PTPRD: variants seen among roughly 807,000 people sequenced by gnomAD.
PTPRD encodes receptor-type tyrosine-protein phosphatase delta.
A neutral mutation model predicts 214.5 loss-of-function variants in PTPRD; 34 were observed. That is an observed-to-expected ratio of 0.16 (90% CI 0.12 to 0.21). The LOEUF (loss-of-function observed/expected upper bound fraction) is 0.21, where lower values mean the gene tolerates loss of function less well. Among genes scored for constraint, PTPRD ranks in the 10% least tolerant of loss-of-function variants. The pLI, the probability that PTPRD is intolerant of heterozygous loss-of-function variation, is 1.00. For missense variants in PTPRD, 2,545 were observed against 2,398.7 expected (o/e 1.06, Z -1.27); for synonymous variants, 1,128 against 845.7 (o/e 1.33, Z -5.79).
intron 9 of PTPRD, among the ~76,000 whole-genome samples, chr9:9,353,590 G>C (rs1217336165): frequency 6.6e-6 from 1 of 151,062 alleles, no homozygotes; most frequent in Non-Finnish European, 1.5e-5. Flanking sequence ...ATAGGACCTT[G>C]TCTTACGTAT....
At chr9:8,826,398 C>T (rs966660887) in intron 11 of PTPRD, among the ~76,000 whole-genome samples, 1 of 152,188 alleles carries the variant, frequency 6.6e-6, no homozygotes, top group African/African-American at 2.4e-5. Flanking sequence ...ATTACCAAAG[C>T]CCTGAGCCAT....
rs1289387947 is a variant in PTPRD at position 8,903,761 on chromosome 9, TGGGAAA to T, written c.-104+114930_-104+114935del. Among the ~76,000 whole-genome samples the T allele has an allele frequency of 8.2e-3, 1,236 of 150,968 alleles. 21 individuals are homozygous for T. The highest frequency in any genetic ancestry group is 0.028 in the African/African-American group (1,146 of 40,314). The stretch of plus-strand genomic sequence containing the variant: ...CTGATTCTCTACCTTTAAAAAATTA[TGGGAAA>T]TTTGATTACTATTTAAAAGACTACT... On this transcript the variant is annotated intron_variant, in intron 11 of 45. Coordinates refer to ENST00000381196, the MANE Select transcript of PTPRD (RefSeq NM_002839.4).
At position 10,403,212 on chromosome 9, in the gene PTPRD, T is replaced by TTG. The variant is rs1475181851; in HGVS notation, c.-599-62197_-599-62196dup. Among the ~76,000 whole-genome samples, 161 of 76,640 alleles carry TTG rather than the reference T, an allele frequency of 2.1e-3. 5 individuals are homozygous for TTG. In the South Asian group the frequency reaches 0.048, roughly 23 times the overall value. 50.3% of individuals were successfully genotyped at this position (76,640 alleles called of 152,430 possible). On this transcript the variant is annotated intron_variant, in intron 2 of 45. Transcript: ENST00000381196. ...CCATTTGCTTTTGTTTTTCTGTTATTTGTGTGTGTGTGTAAATATATATAT... is the reference window on the plus strand; with the variant it reads ...CCATTTGCTTTTGTTTTTCTGTTATTTGTGTGTGTGTGTGTAAATATATATAT...
At chr9:9,155,720 T>C (rs1398314519) in intron 10 of PTPRD, among the ~76,000 whole-genome samples, 1 of 152,184 alleles carries the variant, frequency 6.6e-6, no homozygotes, top group Non-Finnish European at 1.5e-5. Context: ...TGGATAATCA[T>C]CGACCTACAT....
At chr9:10,131,026 A>C (rs2154258095) in intron 3 of PTPRD, among the ~76,000 whole-genome samples, 1 of 152,284 alleles carries the variant, frequency 6.6e-6, no homozygotes, top group East Asian at 1.9e-4. Context: ...AAGAAGTATA[A>C]GGTGATACTA....
chr9:10,278,767 T>TTTTTTG (rs1555025754), intron 3 of PTPRD, among the ~76,000 whole-genome samples: 2 of 151,528 alleles, frequency 1.3e-5, no homozygotes, highest in African/African-American at 4.9e-5. Context: ...AAAGGTTTTT[T>TTTTTTG]TTTTGTTTTG....
At chr9:10,357,903 A>G (rs2097307220) in intron 2 of PTPRD, among the ~76,000 whole-genome samples, 1 of 152,152 alleles carries the variant, frequency 6.6e-6, no homozygotes, top group South Asian at 2.1e-4. Flanking sequence ...TATAAACAGA[A>G]ATCAGATGGC....
intron 2 of PTPRD, among the ~76,000 whole-genome samples, chr9:10,559,967 T>C (rs1162092088): frequency 2.0e-5 from 3 of 152,122 alleles, no homozygotes; most frequent in Non-Finnish European, 4.4e-5. Context: ...GGTGGGACCG[T>C]AAACTAGTTC....
At chr9:9,258,063 T>C (rs1220852391) in intron 9 of PTPRD, among the ~76,000 whole-genome samples, 2 of 149,520 alleles carry the variant, frequency 1.3e-5, no homozygotes, top group Non-Finnish European at 3.0e-5. Flanking sequence ...AGGCAGAATA[T>C]GAAAAAAGCT....
At chr9:8,773,312 C>T (rs1456635164) in intron 11 of PTPRD, among the ~76,000 whole-genome samples, 2 of 152,174 alleles carry the variant, frequency 1.3e-5, no homozygotes, top group East Asian at 3.9e-4. Flanking sequence ...CTCCAGCTGC[C>T]TTAGCCTACC....
intron 11 of PTPRD, among the ~76,000 whole-genome samples, chr9:8,847,953 C>T (rs1009346056): frequency 5.9e-5 from 9 of 152,174 alleles, no homozygotes; most frequent in African/African-American, 2.2e-4. Context: ...GACTGCTCTT[C>T]AGATATCCCT....
chr9:8,939,782 T>A (rs978039036), intron 11 of PTPRD, among the ~76,000 whole-genome samples: 1 of 152,164 alleles, frequency 6.6e-6, no homozygotes, highest in African/African-American at 2.4e-5. Context: ...CTAAAGCAAA[T>A]CAATGTAATA....
chr9:8,496,123 T>A (rs1245612736), intron 26 of PTPRD, among the ~76,000 whole-genome samples: 3 of 151,776 alleles, frequency 2.0e-5, no homozygotes, highest in Non-Finnish European at 2.9e-5. Flanking sequence ...TGACTGGTTT[T>A]GCTGTGATCA....
intron 9 of PTPRD, among the ~76,000 whole-genome samples, chr9:9,372,259 T>C (rs2059720351): frequency 6.6e-6 from 1 of 152,170 alleles, no homozygotes; most frequent in Non-Finnish European, 1.5e-5. Context: ...AGTCTCTGTG[T>C]AGGTCACAAA....
chr9:10,560,629 A>T (rs1368696815), intron 2 of PTPRD, among the ~76,000 whole-genome samples: 3 of 151,806 alleles, frequency 2.0e-5, no homozygotes, highest in Non-Finnish European at 2.9e-5. Context: ...AATATGGAGT[A>T]AGAATAAGAG....
rs564266225 is a variant in PTPRD, at chr9:9,661,947, C to T, written c.-287+72586G>A. On this transcript the variant is annotated intron_variant, in intron 7 of 45. Transcript: ENST00000381196. ...ATTTAATCATCTGAACTCTGAAGTT[C>T]TTTCCAGATTTTATACTTCTTAACC... Among the ~76,000 whole-genome samples, 10 of 151,782 alleles carry T rather than the reference C, an allele frequency of 6.6e-5. No homozygotes were observed. In the South Asian group the frequency reaches 2.1e-3, roughly 31 times the overall value.
chr9:10,611,346 T>C (rs937718163), intron 2 of PTPRD, among the ~76,000 whole-genome samples: 4 of 152,158 alleles, frequency 2.6e-5, no homozygotes, highest in African/African-American at 9.7e-5. Flanking sequence ...CAGAATCCAT[T>C]TGGCAGTGAT....
At chr9:9,754,184 G>C (rs892054186) in intron 6 of PTPRD, among the ~76,000 whole-genome samples, 3 of 152,038 alleles carry the variant, frequency 2.0e-5, no homozygotes, top group Non-Finnish European at 2.9e-5. Context: ...TTAATGACAA[G>C]GGAACTGGAG....
rs78024901 is a variant in PTPRD at position 8,439,427 on chromosome 9, A to T, written c.3989-2738T>A. On this transcript the variant is annotated intron_variant, in intron 34 of 45. Transcript: ENST00000381196. ...TGCATATGTAAGGGTTCTAAAAGTT[A>T]TCGTACCTTTTCTTTGAAGGGAGAG... Among the ~76,000 whole-genome samples, 1,447 of 152,348 alleles carry T rather than the reference A, an allele frequency of 9.5e-3. 25 individuals carry two copies. Among genetic ancestry groups the T allele is most frequent in the African/African-American group, 0.033 (1,376 of 41,588 alleles).
Sources: gnomAD v4.1 joint callset for allele counts (sites outside exome capture counted in the v4.1 genomes callset) on GRCh38, gnomAD v4.1.1 for gene constraint, MANE v1.5 for transcripts, NCBI Gene and HGNC (gene_info 2026-07-23, HGNC 2026-07-21) for gene names.